Variants in PADI6 observed in about 807,000 individuals in gnomAD.
The protein encoded by PADI6 is inactive protein-arginine deiminase type-6.
In PADI6, 66 loss-of-function variants were observed where a neutral mutation model predicts 78.2. That is an observed-to-expected ratio of 0.84 (90% CI 0.69 to 1.04). PADI6 has a LOEUF of 1.04. Ranked by LOEUF, PADI6 falls within the 50% of genes least tolerant of loss-of-function variation. The pLI is 0.00. For synonymous variants in PADI6, 397 were observed against 346.9 expected (o/e 1.14, Z -1.60); for missense variants, 854 against 866.1 (o/e 0.99, Z 0.18).
intron 2 of PADI6, among the ~76,000 whole-genome samples, chr1:17,373,891 C>A (rs1226524772): frequency 6.6e-6 from 1 of 152,090 alleles, no homozygotes; most frequent in African/African-American, 2.4e-5. Flanking sequence ...TGAGCTTGAG[C>A]CCAAGGGTGT....
chr1:17,394,273 C>A, intron 10 of PADI6, 27 bp from the exon 11 acceptor site: 3 of 1,608,406 alleles, frequency 1.9e-6, no homozygotes, highest in East Asian at 2.2e-5. Context: ...TACTAACACC[C>A]CTTCCCTGGC....
Position 17,401,493 on chromosome 1 carries a change from A to G in PADI6, c.*55A>G. 2 of 1,436,702 alleles carry G rather than the reference A, an allele frequency of 1.4e-6. No individual in the cohort carries two copies. Among genetic ancestry groups the G allele is most frequent in the Non-Finnish European group, 1.9e-6 (2 of 1,035,158 alleles). 89.0% of individuals were successfully genotyped at this position (1,436,702 alleles called of 1,614,324 possible). ...CCAGCGTGGATGGCCCACTGTCACC[A>G]TGCAACAGCATGATTCTTTGCCCAG... On this transcript the variant is annotated 3_prime_UTR_variant, in exon 16 of 16. Coordinates refer to ENST00000619609, the MANE Select transcript of PADI6 (RefSeq NM_207421.4).
chr1:17,392,476 C>T (rs531826273), intron 9 of PADI6, among the ~76,000 whole-genome samples: 3 of 152,280 alleles, frequency 2.0e-5, no homozygotes, highest in Admixed American at 1.3e-4. Flanking sequence ...AGAACCCTAA[C>T]CCCCAGGCCC....
intron 14 of PADI6, 37 bp from the exon 15 acceptor site, chr1:17,398,649 C>CGGGGGGGGGGG: frequency 4.4e-5 from 4 of 91,312 alleles, no homozygotes; most frequent in East Asian, 3.1e-4. Flanking sequence ...TCTCCTTGCT[C>CGGGGGGGGGGG]CCCCGCCCCC....
intron 3 of PADI6, among the ~76,000 whole-genome samples, chr1:17,376,435 G>A (rs1329890891): frequency 2.0e-5 from 3 of 151,600 alleles, no homozygotes; most frequent in African/African-American, 7.3e-5. Flanking sequence ...GAGTAGCTGG[G>A]ACTATAGGTA....
Position 17,398,756 on chromosome 1 carries a change from T to C in PADI6, c.1760T>C (p.Ile587Thr). ...CTGGTGGAACAGGACATCATCGAGA[T>C]TCCCCAGCTGTTCTGCTTGGAGAAG... ...LGLVEQDIIE[I>T]PQLFCLEKLT... Residue 587 changes from isoleucine to threonine, a missense_variant, in exon 15 of 16, where the codon ATT (isoleucine) becomes ACT (threonine). Ile to Thr is a moderately conservative substitution (Grantham distance 89, BLOSUM62 -1). Coordinates refer to ENST00000619609, the MANE Select transcript of PADI6 (RefSeq NM_207421.4). The C allele has an allele frequency of 6.3e-7, 1 of 1,584,782 alleles. No homozygotes were observed. The highest frequency in any genetic ancestry group is 8.6e-7 in the Non-Finnish European group (1 of 1,163,974).
intron 5 of PADI6, among the ~76,000 whole-genome samples, chr1:17,381,701 T>A (rs1409486432): frequency 6.6e-6 from 1 of 152,138 alleles, no homozygotes; most frequent in Non-Finnish European, 1.5e-5. Context: ...TTCACTGAAC[T>A]GATCGAGGTA....
At chr1:17,380,426 G>A (rs1301806420) in intron 4 of PADI6, among the ~76,000 whole-genome samples, 1 of 152,154 alleles carries the variant, frequency 6.6e-6, no homozygotes, top group East Asian at 1.9e-4. Context: ...GGAGTGCAGT[G>A]GCACGATCTC....
At chr1:17,387,715 C>T (rs2075135515) in intron 6 of PADI6, among the ~76,000 whole-genome samples, 1 of 152,208 alleles carries the variant, frequency 6.6e-6, no homozygotes, top group South Asian at 2.1e-4. Context: ...CACGCCACTA[C>T]ACTCCAGCCT....
chr1:17,388,992 T>C, intron 8 of PADI6, 112 bp downstream of exon 8: 1 of 789,012 alleles, frequency 1.3e-6, no homozygotes, highest in Non-Finnish European at 2.1e-6. Context: ...ACCAGGAGAG[T>C]TGAAACCCTT....
At chr1:17,399,482 C>A (rs1183463916) in intron 15 of PADI6, among the ~76,000 whole-genome samples, 4 of 152,190 alleles carry the variant, frequency 2.6e-5, no homozygotes, top group East Asian at 1.9e-4. Context: ...GTAATCCCAG[C>A]TACTCAGGAG....
intron 6 of PADI6, among the ~76,000 whole-genome samples, chr1:17,382,313 G>A (rs1420359675): frequency 6.6e-6 from 1 of 152,172 alleles, no homozygotes; most frequent in Non-Finnish European, 1.5e-5. Flanking sequence ...GCACCTCTAA[G>A]CCACTTTCTC....
intron 14 of PADI6, among the ~76,000 whole-genome samples, chr1:17,397,645 C>A (rs921696246): frequency 2.0e-5 from 3 of 152,062 alleles, no homozygotes; most frequent in Non-Finnish European, 4.4e-5. Context: ...TTGCGAGATA[C>A]CTCACTACAA....
rs1242345398 is a variant in PADI6 at position 17,392,098 on chromosome 1, T to C, written c.963-16T>C. The C allele has an allele frequency of 6.4e-7, 1 of 1,551,852 alleles. No homozygotes were observed. The highest frequency in any genetic ancestry group is 1.2e-5 in the South Asian group (1 of 84,066). On this transcript the variant is annotated splice_polypyrimidine_tract_variant and intron_variant, in intron 8 of 15. Coordinates refer to ENST00000619609, the MANE Select transcript of PADI6 (RefSeq NM_207421.4). ...CTTCGAAAGCCTTCCCAGAACTGGC[T>C]TCTCTCCCATGGCAGGGAGCTGCAG...
chr1:17,395,847 C>T (rs2075241592), intron 13 of PADI6, among the ~76,000 whole-genome samples, 184 bp downstream of exon 13: 3 of 152,130 alleles, frequency 2.0e-5, no homozygotes, highest in Admixed American at 2.0e-4. Flanking sequence ...ACAAGTAGAC[C>T]AGATGTTCTG....
chr1:17,377,558 G>T (rs2075031360), intron 3 of PADI6, among the ~76,000 whole-genome samples: 1 of 152,204 alleles, frequency 6.6e-6, no homozygotes, highest in South Asian at 2.1e-4. Context: ...AATGCAAATG[G>T]ATTCTCTCTA....
At chr1:17,398,582 G>T in intron 14 of PADI6, 104 bp from the exon 15 acceptor site, 1 of 699,990 alleles carries the variant, frequency 1.4e-6, no homozygotes, top group African/African-American at 1.8e-5. Flanking sequence ...TGGTAGTGGT[G>T]TCAGGCCATC....
chr1:17,376,691 C>T (rs536291197), intron 3 of PADI6, among the ~76,000 whole-genome samples: 4 of 152,142 alleles, frequency 2.6e-5, no homozygotes, highest in African/African-American at 7.2e-5. Context: ...AGCCACTGTG[C>T]TGGGCCTAGG....
chr1:17,397,303 G>A (rs1443781652), intron 14 of PADI6, among the ~76,000 whole-genome samples, 162 bp downstream of exon 14: 1 of 152,130 alleles, frequency 6.6e-6, no homozygotes. Flanking sequence ...CAGGTCTGGG[G>A]CTAGAGCTGG....
Sources: allele counts gnomAD v4.1 joint callset (sites outside exome capture counted in the v4.1 genomes callset), GRCh38; gene constraint gnomAD v4.1.1; transcripts MANE v1.5; gene names NCBI Gene and HGNC (gene_info 2026-07-23, HGNC 2026-07-21).